NR2C2: variants seen among roughly 807,000 people sequenced by gnomAD.
The protein encoded by NR2C2 is Nuclear hormone receptor TR4.
In NR2C2, 6 loss-of-function variants were observed where a neutral mutation model predicts 62.9. The ratio of observed to expected loss-of-function variants is 0.10; its 90% CI spans 0.05 to 0.19. The LOEUF (loss-of-function observed/expected upper bound fraction) is 0.19. Among genes scored for constraint, NR2C2 ranks in the 10% least tolerant of loss-of-function variants. NR2C2 has a pLI of 1.00. For missense variants in NR2C2, 479 were observed against 762.7 expected (o/e 0.63, Z 4.38); for synonymous variants, 272 against 273.8 (o/e 0.99, Z 0.07).
chr3:14,976,824 G>T (rs886842721), intron 1 of NR2C2, among the ~76,000 whole-genome samples: 63 of 151,960 alleles, frequency 4.1e-4, no homozygotes, highest in Non-Finnish European at 8.2e-4. Context: ...TTCTAGTGTT[G>T]CTTTTGTGTA....
chr3:14,994,749 C>CT (rs1189531290), intron 1 of NR2C2, among the ~76,000 whole-genome samples: 2 of 117,744 alleles, frequency 1.7e-5, no homozygotes, highest in African/African-American at 6.3e-5. Flanking sequence ...CCTATTCATT[C>CT]TTTAAAAAAA....
intron 1 of NR2C2, among the ~76,000 whole-genome samples, chr3:14,963,088 T>C (rs906170951): frequency 5.3e-5 from 8 of 152,310 alleles, no homozygotes; most frequent in South Asian, 2.1e-4. Context: ...GGTGGGGAAC[T>C]TTGTGGTAGA....
At chr3:14,974,097 A>G (rs2040131848) in intron 1 of NR2C2, among the ~76,000 whole-genome samples, 1 of 152,098 alleles carries the variant, frequency 6.6e-6, no homozygotes, top group African/African-American at 2.4e-5. Flanking sequence ...GCAACTCCCC[A>G]ATGCCCCCTT....
intron 1 of NR2C2, among the ~76,000 whole-genome samples, chr3:14,958,114 G>A (rs13097792): frequency 0.11 from 16,701 of 152,206 alleles, 1,075 homozygotes; most frequent in Middle Eastern, 0.17. Flanking sequence ...AGAGAGCAAT[G>A]TGTCTTCCCC....
chr3:14,995,890 G>A (rs1049022425), intron 1 of NR2C2, among the ~76,000 whole-genome samples: 4 of 152,086 alleles, frequency 2.6e-5, no homozygotes, highest in Non-Finnish European at 5.9e-5. Flanking sequence ...GTGTGAAGTG[G>A]TATCTTATTG....
At chr3:15,010,279 T>C (rs2041312129) in intron 2 of NR2C2, among the ~76,000 whole-genome samples, 2 of 152,180 alleles carry the variant, frequency 1.3e-5, no homozygotes, top group South Asian at 4.1e-4. Context: ...TTTTTTTTTC[T>C]GCCTGCATTT....
At chr3:14,953,831 G>T (rs1184903983) in intron 1 of NR2C2, among the ~76,000 whole-genome samples, 2 of 150,912 alleles carry the variant, frequency 1.3e-5, no homozygotes, top group African/African-American at 4.9e-5. Flanking sequence ...GGAGGTGGAG[G>T]CTGCAGTGAA....
At chr3:15,000,490 A>G (rs757323942) in intron 1 of NR2C2, among the ~76,000 whole-genome samples, 6 of 152,232 alleles carry the variant, frequency 3.9e-5, no homozygotes, top group Admixed American at 6.5e-5. Context: ...GAGTGCAGAC[A>G]TCTCTTCAAC....
chr3:15,042,520 A>G (rs2042304891), intron 13 of NR2C2: 1 of 243,030 alleles, frequency 4.1e-6, no homozygotes, highest in African/African-American at 2.2e-5. Context: ...GCAGTTCATC[A>G]TATGAAGACT....
Position 15,039,245 on chromosome 3 carries a change from ATGCGCTCT to A in NR2C2, c.1616+22_1616+29del. 6.5e-7 allele frequency: 1 copy of A among 1,533,540 alleles called. No individual in the cohort carries two copies. The highest frequency in any genetic ancestry group is 1.4e-5 in the African/African-American group (1 of 73,414). 95.0% of individuals were successfully genotyped at this position (1,533,540 alleles called of 1,614,324 possible). ...ACCTACCGGTGAGGCATTCAGGCAT[ATGCGCTCT>A]TGCTTGGGGCTGCAAGGAGTGTGGC... On this transcript the variant is annotated intron_variant, in intron 13 of 13. Coordinates refer to ENST00000425241, the MANE Select transcript of NR2C2 (RefSeq NM_001291694.2).
intron 4 of NR2C2, among the ~76,000 whole-genome samples, chr3:15,016,575 G>A (rs147440462): frequency 6.6e-6 from 1 of 152,146 alleles, no homozygotes; most frequent in Non-Finnish European, 1.5e-5. Context: ...TATTTTACAA[G>A]GTGTATAATT....
intron 1 of NR2C2, among the ~76,000 whole-genome samples, chr3:14,958,516 C>G (rs914277080): frequency 1.3e-5 from 2 of 152,298 alleles, no homozygotes; most frequent in African/African-American, 4.8e-5. Context: ...GTTTAGTGTT[C>G]TGTCCACAGT....
chr3:14,955,154 G>A (rs920024990), intron 1 of NR2C2, among the ~76,000 whole-genome samples: 4 of 152,052 alleles, frequency 2.6e-5, no homozygotes, highest in African/African-American at 7.3e-5. Flanking sequence ...TTGTATCTGC[G>A]TGTTGTAGTT....
chr3:15,024,274 G>A, intron 7 of NR2C2, 66 bp downstream of exon 7: 6 of 1,093,560 alleles, frequency 5.5e-6, no homozygotes, highest in South Asian at 2.9e-5. Context: ...TTCTCTAACT[G>A]TGTGCACCAC....
At chr3:14,984,591 C>G (rs1255001009) in intron 1 of NR2C2, among the ~76,000 whole-genome samples, 10 of 152,052 alleles carry the variant, frequency 6.6e-5, no homozygotes, top group Non-Finnish European at 1.5e-5. Flanking sequence ...TTTCATTTAG[C>G]GAAGTTATTT....
rs576289118 is a variant in NR2C2 at position 15,048,998 on chromosome 3, G to T, written c.*5990G>T. The T allele has an allele frequency of 4.6e-5, 7 of 152,698 alleles. No homozygotes were observed. The highest frequency in any genetic ancestry group is 1.3e-4 in the Admixed American group (2 of 15,302). 9.5% of individuals were successfully genotyped at this position (152,698 alleles called of 1,614,324 possible). A position where few individuals can be genotyped will look rare whatever the true frequency, so the allele number is the denominator to read the frequency against. On this transcript the variant is annotated 3_prime_UTR_variant, in exon 14 of 14. Coordinates refer to ENST00000425241, the MANE Select transcript of NR2C2 (RefSeq NM_001291694.2). The stretch of plus-strand genomic sequence containing the variant: ...CCAGGTTTAAAACCTGTTGAAAGCT[G>T]CAGCTTTATACAGCTTTCTTCTCCC...
intron 10 of NR2C2, among the ~76,000 whole-genome samples, chr3:15,033,639 CTTTTTT>C (rs58524753): frequency 1.2e-5 from 1 of 84,828 alleles, no homozygotes; most frequent in Non-Finnish European, 2.2e-5. Context: ...TAACCTCAGG[CTTTTTT>C]TTTTTTTTTT....
rs542661475 is a variant in NR2C2 at position 14,966,657 on chromosome 3, A to G, written c.-40+18751A>G. On this transcript the variant is annotated intron_variant, in intron 1 of 13. Transcript: ENST00000425241. ...TTTTTGCTTCATGAAATACAGCAAC[A>G]TTGTGGATTATGTAAATGATGTTCT... 2.0e-5 allele frequency among the ~76,000 whole-genome samples: 3 copies of G among 152,334 alleles called. No homozygotes were observed. In the East Asian group the frequency reaches 5.8e-4, roughly 29 times the overall value.
rs1311270775 is a variant in NR2C2, at chr3:15,028,644, A to T, written c.857A>T (p.Asn286Ile). ...GCAAATGTAGTGACCTCCCTTGCCA[A>T]CCTAAGTGAATCTTTGAACAACGGT... ...TLANVVTSLANLSESLNNGDT... is the reference protein window; with the variant it reads ...TLANVVTSLAILSESLNNGDT... The change falls in exon 8 of 14, where the codon AAC (asparagine) becomes ATC (isoleucine). Residue 286 changes from asparagine (N) to isoleucine (I), a missense_variant. This residue lies in a region of NR2C2 where 151 missense variants were observed against 176.1 expected (regional missense o/e 0.86). Coordinates refer to ENST00000425241, the MANE Select transcript of NR2C2 (RefSeq NM_001291694.2). The T allele has an allele frequency of 1.2e-6, 2 of 1,614,088 alleles. No homozygotes were observed. The highest frequency in any genetic ancestry group is 3.3e-5 in the Admixed American group (2 of 60,026).
Sources: gnomAD v4.1 joint callset for allele counts (sites outside exome capture counted in the v4.1 genomes callset) on GRCh38, gnomAD v4.1.1 for gene constraint, gnomAD v4.1.1 regional missense constraint, MANE v1.5 for transcripts, NCBI Gene and HGNC (gene_info 2026-07-23, HGNC 2026-07-21) for gene names.